Variants in CUX2 observed in about 807,000 individuals in gnomAD.
CUX2 encodes the protein cut like homeobox 2.
CUX2 carries 40 observed loss-of-function variants against 144.8 expected under a neutral mutation model. The ratio of observed to expected loss-of-function variants is 0.28; its 90% CI spans 0.21 to 0.36. CUX2 has a LOEUF of 0.36. CUX2 is among the 10% of genes least tolerant of loss of function. The probability of loss-of-function intolerance (pLI) is 1.00; values close to 1 mark genes in which losing one functional copy is unlikely to be tolerated. For synonymous variants in CUX2, 827 were observed against 875.6 expected, an observed-to-expected ratio of 0.94 and a Z score of 0.98; for missense variants, 1,615 against 1,994.0, an observed-to-expected ratio of 0.81 and a Z score of 3.62.
rs1407153783 is a variant in CUX2, at chr12:111,190,037, A to C, written c.64-24163A>C. On this transcript the variant is annotated intron_variant, in intron 1 of 21. Transcript: ENST00000261726. The surrounding 1 kb of genome is among the most constrained non-coding windows in gnomAD (Gnocchi z 4.0). ...GCCATTCTGGTGGGTATGTAGCACT[A>C]TCTCCTTGTGGCTTAAATTTTCATT... Among the ~76,000 whole-genome samples, 1 of 152,134 alleles carries C rather than the reference A, an allele frequency of 6.6e-6. No homozygotes were observed.
chr12:111,101,314 C>T (rs968907339), intron 1 of CUX2, among the ~76,000 whole-genome samples: 2 of 152,050 alleles, frequency 1.3e-5, no homozygotes, highest in African/African-American at 4.8e-5. Context: ...CTGTCAGGGT[C>T]CCCCAGATGG....
intron 14 of CUX2, among the ~76,000 whole-genome samples, 188 bp downstream of exon 14, chr12:111,308,714 T>C (rs947687142): frequency 6.6e-6 from 1 of 152,206 alleles, no homozygotes; most frequent in African/African-American, 2.4e-5. Context: ...CACGTCATCG[T>C]TGGGGTCACA....
At chr12:111,319,760 G>A (rs1887409921) in intron 16 of CUX2, among the ~76,000 whole-genome samples, 1 of 152,214 alleles carries the variant, frequency 6.6e-6, no homozygotes, top group Non-Finnish European at 1.5e-5. Context: ...AGTCAGGTCT[G>A]TGTTTGCATT....
intron 1 of CUX2, among the ~76,000 whole-genome samples, chr12:111,177,096 G>A (rs2136175119): frequency 6.6e-6 from 1 of 152,162 alleles, no homozygotes; most frequent in East Asian, 1.9e-4. Flanking sequence ...CTAGAGTTTT[G>A]GGTCTTCCCC....
chr12:111,149,558 A>G (rs1385733812), intron 1 of CUX2, among the ~76,000 whole-genome samples: 1 of 152,122 alleles, frequency 6.6e-6, no homozygotes, highest in Non-Finnish European at 1.5e-5. Flanking sequence ...AGATGTTACC[A>G]AATGTCCCCT....
chr12:111,132,703 A>T (rs538218331), intron 1 of CUX2, among the ~76,000 whole-genome samples: 5 of 151,228 alleles, frequency 3.3e-5, no homozygotes, highest in Admixed American at 1.3e-4. Context: ...AGTAGCTGGG[A>T]TTACAGGCAT....
intron 1 of CUX2, among the ~76,000 whole-genome samples, chr12:111,054,310 C>T (rs1870421887): frequency 6.6e-6 from 1 of 152,172 alleles, no homozygotes; most frequent in Non-Finnish European, 1.5e-5. Flanking sequence ...CCTCCCTGTG[C>T]AGCTTTCAGT....
chr12:111,189,387 G>A (rs746769411), intron 1 of CUX2, among the ~76,000 whole-genome samples: 4 of 152,178 alleles, frequency 2.6e-5, no homozygotes, highest in Non-Finnish European at 4.4e-5. Flanking sequence ...TCCTGCCTCC[G>A]AACTACACAG....
chr12:111,303,221 GAAAAAAAAAA>G (rs5800927), intron 9 of CUX2, among the ~76,000 whole-genome samples: 3,354 of 49,414 alleles, frequency 0.068, 83 homozygotes, highest in South Asian at 0.11. Flanking sequence ...ACCCTGTCTC[GAAAAAAAAAA>G]AAAAAAAAAA....
chr12:111,279,379 A>C (rs1345069415), intron 4 of CUX2, among the ~76,000 whole-genome samples: 2 of 152,154 alleles, frequency 1.3e-5, no homozygotes, highest in Non-Finnish European at 2.9e-5. Context: ...TTATGGTTTG[A>C]ATTGTGTCCT....
chr12:111,140,110 C>T (rs140749937), intron 1 of CUX2, among the ~76,000 whole-genome samples: 1 of 152,210 alleles, frequency 6.6e-6, no homozygotes, highest in Non-Finnish European at 1.5e-5. Flanking sequence ...GCTGGCTCCA[C>T]TCCCTGTCCC....
intron 1 of CUX2, among the ~76,000 whole-genome samples, chr12:111,048,697 G>C (rs1870117152): frequency 6.6e-6 from 1 of 152,126 alleles, no homozygotes; most frequent in Non-Finnish European, 1.5e-5. Flanking sequence ...GCCATAAAAA[G>C]ATGAGGTGAC....
intron 3 of CUX2, among the ~76,000 whole-genome samples, chr12:111,224,408 A>C (rs1592855194): frequency 1.4e-5 from 2 of 141,920 alleles, no homozygotes; most frequent in Non-Finnish European, 1.5e-5. Flanking sequence ...CCGAGCCCCC[A>C]CCCAGCCCCA....
intron 1 of CUX2, among the ~76,000 whole-genome samples, chr12:111,199,016 GACTC>G (rs1207370837): frequency 6.6e-6 from 1 of 152,168 alleles, no homozygotes; most frequent in Admixed American, 6.5e-5. Flanking sequence ...CGTTTTGAGC[GACTC>G]ACTCCATCCA....
chr12:111,324,350 CA>C (rs763180221), intron 18 of CUX2, among the ~76,000 whole-genome samples: 4,411 of 73,096 alleles, frequency 0.06, 79 homozygotes, highest in African/African-American at 0.1. Context: ...GACTCTGTCT[CA>C]AAAAAAAAAA....
chr12:111,283,971 A>T (rs7972173), intron 4 of CUX2, among the ~76,000 whole-genome samples: 41,872 of 152,024 alleles, frequency 0.28, 7,858 homozygotes, highest in East Asian at 0.86. Context: ...CTGCAGTCCG[A>T]GGCTCATCCT....
At chr12:111,222,167 C>A (rs532715765) in intron 3 of CUX2, among the ~76,000 whole-genome samples, 22 of 152,220 alleles carry the variant, frequency 1.4e-4, no homozygotes, top group Admixed American at 1.2e-3. Flanking sequence ...ATTAACCCTC[C>A]GAGCACAAAA....
At chr12:111,337,433 C>G (rs1413842130) in intron 19 of CUX2, among the ~76,000 whole-genome samples, 1 of 152,112 alleles carries the variant, frequency 6.6e-6, no homozygotes, top group African/African-American at 2.4e-5. Context: ...TTCTATTACC[C>G]GCATTCTTTT....
At chr12:111,104,148 G>A (rs928975909) in intron 1 of CUX2, among the ~76,000 whole-genome samples, 2 of 152,016 alleles carry the variant, frequency 1.3e-5, no homozygotes, top group African/African-American at 4.8e-5. Context: ...TCTCTCTTGG[G>A]GCACAATCAT....
Sources: gnomAD v4.1 joint callset for allele counts (sites outside exome capture counted in the v4.1 genomes callset) on GRCh38, gnomAD v4.1.1 for gene constraint, Gnocchi (gnomAD v3.1) non-coding constraint, MANE v1.5 for transcripts, NCBI Gene and HGNC (gene_info 2026-07-23, HGNC 2026-07-21) for gene names.